PGS1: variants seen among roughly 807,000 people sequenced by gnomAD.
The protein encoded by PGS1 is phosphatidylglycerophosphate synthase 1.
In PGS1, 44 loss-of-function variants were observed where a neutral mutation model predicts 58.3. The ratio of observed to expected loss-of-function variants is 0.75; its 90% CI spans 0.59 to 0.97. The LOEUF is 0.97. Ranked by LOEUF, PGS1 falls within the 50% of genes least tolerant of loss-of-function variation. The pLI, the probability that PGS1 is intolerant of heterozygous loss-of-function variation, is 0.00. For missense variants in PGS1, 684 were observed against 731.1 expected (o/e 0.94, Z 0.74); for synonymous variants, 330 against 311.0 (o/e 1.06, Z -0.64).
intron 8 of PGS1, among the ~76,000 whole-genome samples, chr17:78,418,222 G>A (rs865893280): frequency 6.6e-6 from 1 of 152,010 alleles, no homozygotes; most frequent in Non-Finnish European, 1.5e-5. Context: ...GAGCCACCGC[G>A]CCCGGCCGCA....
At chr17:78,420,288 A>T in intron 9 of PGS1, 1 of 915,844 alleles carries the variant, frequency 1.1e-6, no homozygotes, top group South Asian at 5.0e-5. Context: ...CTGCCGCTTC[A>T]CCAGAGGCAC....
intron 2 of PGS1, 50 bp downstream of exon 2, chr17:78,392,715 C>G: frequency 1.3e-6 from 2 of 1,483,376 alleles, no homozygotes; most frequent in Non-Finnish European, 9.3e-7. Context: ...TTTGGGGGAT[C>G]AGGTTGGTGA....
rs1314379419 is a variant in PGS1 at position 78,383,566 on chromosome 17, G to A, written c.143+4758G>A. ...TGTAGTGGCAGGTCACTTGTTCAAC[G>A]TGTAAGTAGTTTTTACTCTGAGGGA... On this transcript the variant is annotated intron_variant, in intron 1 of 9. Coordinates refer to ENST00000262764, the MANE Select transcript of PGS1 (RefSeq NM_024419.5). Among the ~76,000 whole-genome samples, 6 of 152,256 alleles carry A rather than the reference G, an allele frequency of 3.9e-5. No individual in the cohort carries two copies. The South Asian group carries it at 1.2e-3, about 32-fold the overall frequency.
In PGS1 at chr17:78,400,923, A is replaced by C; in HGVS notation, c.880+68A>C. On this transcript the variant is annotated intron_variant, in intron 6 of 9. Transcript: ENST00000262764. The surrounding 1 kb of genome is among the most constrained non-coding windows in gnomAD (Gnocchi z 4.4). Reference sequence around the variant, plus strand: ...TGGAGTGAGGGCCCGGGAGAGCACAACTCTAGGTGGTTCTGCCACAGGCAT... The same window carrying C: ...TGGAGTGAGGGCCCGGGAGAGCACACCTCTAGGTGGTTCTGCCACAGGCAT... The C allele has an allele frequency of 7.4e-7, 1 of 1,349,414 alleles. No individual in the cohort carries two copies. Among genetic ancestry groups the C allele is most frequent in the Non-Finnish European group, 1.0e-6 (1 of 998,744 alleles). 83.6% of individuals were successfully genotyped at this position (1,349,414 alleles called of 1,614,324 possible).
At chr17:78,410,180 C>T (rs1352366509) in intron 7 of PGS1, among the ~76,000 whole-genome samples, 1 of 152,084 alleles carries the variant, frequency 6.6e-6, no homozygotes, top group Non-Finnish European at 1.5e-5. Flanking sequence ...GTAATCCCAG[C>T]ACTTTGGGAG....
chr17:78,407,434 C>T (rs563391660), intron 7 of PGS1, among the ~76,000 whole-genome samples: 2 of 152,192 alleles, frequency 1.3e-5, no homozygotes, highest in Admixed American at 6.5e-5. Context: ...AGTGGGCAGC[C>T]GCAGGGTGCT....
In PGS1 at chr17:78,378,667, T is replaced by TGGCGGTGGC. The variant is rs1213778337; in HGVS notation, c.8_16dup (p.Val3_Ala5dup). ...CGGAAGCGGAAGCGGCGAGTCTCCA[T>TGGCGGTGGC]GGCGGTGGCGGCGGCAGCTGCGGCG... On this transcript the variant is annotated inframe_insertion, in exon 1 of 10. Transcript: ENST00000262764. 21 of 1,534,016 alleles carry TGGCGGTGGC rather than the reference T, an allele frequency of 1.4e-5. No individual in the cohort carries two copies. The highest frequency in any genetic ancestry group is 5.9e-5 in the Admixed American group (3 of 50,438).
At chr17:78,403,431 G>T in intron 6 of PGS1, 137 bp from the exon 7 acceptor site, 1 of 964,128 alleles carries the variant, frequency 1.0e-6, no homozygotes, top group Non-Finnish European at 1.6e-6. Flanking sequence ...TGGGGTCCTG[G>T]GCCCACTCAG....
intron 7 of PGS1, among the ~76,000 whole-genome samples, chr17:78,406,928 G>A (rs2084198841): frequency 6.6e-6 from 1 of 152,216 alleles, no homozygotes; most frequent in Non-Finnish European, 1.5e-5. Context: ...TTATTTCCCT[G>A]AAGTGGCTTT....
intron 7 of PGS1, among the ~76,000 whole-genome samples, chr17:78,411,825 G>A (rs1256668709): frequency 6.6e-6 from 1 of 151,728 alleles, no homozygotes; most frequent in East Asian, 1.9e-4. Context: ...ATCCTGACTG[G>A]TGGTGCGGGT....
At position 78,400,738 on chromosome 17, in the gene PGS1, T is replaced by A. The variant is rs746594212; in HGVS notation, c.763T>A (p.Cys255Ser). The A allele has an allele frequency of 6.2e-7, 1 of 1,614,078 alleles. No homozygotes were observed. The highest frequency in any genetic ancestry group is 1.7e-5 in the Admixed American group (1 of 60,022). The change falls in exon 6 of 10, where the codon TGT becomes AGT. Residue 255 changes from cysteine (C) to serine (S), a missense_variant. Transcript: ENST00000262764. The surrounding 1 kb of genome is among the most constrained non-coding windows in gnomAD (Gnocchi z 4.4). ...RQDRYVFLQD[C>S]AEIADFFTEL... is the part of the protein sequence containing the mutation. ...GGACCGCTACGTGTTCCTGCAGGAC[T>A]GTGCGGAGATTGCCGACTTCTTCAC... is the stretch of plus-strand genomic sequence containing the variant.
At chr17:78,420,215 G>C in intron 9 of PGS1, 1 of 996,928 alleles carries the variant, frequency 1.0e-6, no homozygotes, top group Non-Finnish European at 1.2e-6. Flanking sequence ...CGGTTACAGA[G>C]CTGCGCCCTT....
At position 78,396,298 on chromosome 17, in the gene PGS1, C is replaced by G; in HGVS notation, c.334-10C>G. The G allele has an allele frequency of 6.2e-7, 1 of 1,607,654 alleles. No homozygotes were observed. The highest frequency in any genetic ancestry group is 1.1e-5 in the South Asian group (1 of 90,954). ...ATGAATTTGAATTTTGAATTTTTCT[C>G]CTCTCTCAGGGGCAGATAAGAGTAG... On this transcript the variant is annotated splice_polypyrimidine_tract_variant and intron_variant, in intron 2 of 9. Coordinates refer to ENST00000262764, the MANE Select transcript of PGS1 (RefSeq NM_024419.5).
intron 1 of PGS1, among the ~76,000 whole-genome samples, chr17:78,381,798 T>A (rs987891442): frequency 1.2e-4 from 19 of 152,304 alleles, no homozygotes; most frequent in African/African-American, 4.3e-4. Flanking sequence ...AGAACTCTAC[T>A]TAAAATTACT....
chr17:78,422,031 T>G (rs2085841129), intron 9 of PGS1: 2 of 152,246 alleles, frequency 1.3e-5, no homozygotes, highest in Non-Finnish European at 2.9e-5. Flanking sequence ...AGTTTAGAGA[T>G]AATTTTGTCA....
intron 1 of PGS1, among the ~76,000 whole-genome samples, chr17:78,380,230 C>A (rs140439261): frequency 6.6e-6 from 1 of 152,132 alleles, no homozygotes; most frequent in Non-Finnish European, 1.5e-5. Flanking sequence ...AGAACTGCTT[C>A]CTTTAGTTGA....
chr17:78,424,267 C>A lies in PGS1; in HGVS notation c.*217C>A. On this transcript the variant is annotated 3_prime_UTR_variant, in exon 10 of 10. Transcript: ENST00000262764. Reference sequence around the variant, plus strand: ...CCCTCTGCAGAGCTGGGCTCTACCCCAAAAGGCTTCAGGCCAGCTGCCACG... The same window carrying A: ...CCCTCTGCAGAGCTGGGCTCTACCCAAAAAGGCTTCAGGCCAGCTGCCACG... The A allele has an allele frequency of 1.5e-6, 2 of 1,345,202 alleles. No homozygotes were observed. The highest frequency in any genetic ancestry group is 2.0e-6 in the Non-Finnish European group (2 of 1,012,002). 83.3% of individuals were successfully genotyped at this position (1,345,202 alleles called of 1,614,324 possible). A position where few individuals can be genotyped will look rare whatever the true frequency, so the allele number is the denominator to read the frequency against.
chr17:78,386,834 T>C (rs2082417585), intron 1 of PGS1, among the ~76,000 whole-genome samples: 1 of 152,166 alleles, frequency 6.6e-6, no homozygotes, highest in East Asian at 1.9e-4. Flanking sequence ...CTGACCCCCA[T>C]GGGGTTCTGT....
chr17:78,419,871 A>G lies in PGS1; in HGVS notation c.*10+196A>G, dbSNP rs374617840. The stretch of plus-strand genomic sequence containing the variant: ...GGATGCTAAATTAGGCAGTCTGTTC[A>G]CTTTCCATCTGGTACCCACTCCACT... On this transcript the variant is annotated intron_variant, in intron 9 of 9. Transcript: ENST00000262764. 3.0e-4 allele frequency: 396 copies of G among 1,331,694 alleles called. No individual in the cohort carries two copies. In the African/African-American group the frequency reaches 5.1e-3, roughly 17 times the overall value. The allele number at this position is 1,331,694 out of a possible 1,614,324, so 82.5% of individuals were successfully genotyped here. A position where few individuals can be genotyped will look rare whatever the true frequency, so the allele number is the denominator to read the frequency against.
Sources: allele counts gnomAD v4.1 joint callset (sites outside exome capture counted in the v4.1 genomes callset), GRCh38; gene constraint gnomAD v4.1.1; non-coding constraint Gnocchi (gnomAD v3.1); transcripts MANE v1.5; gene names NCBI Gene and HGNC (gene_info 2026-07-23, HGNC 2026-07-21).